The following FRMD3 variants were observed in gnomAD, a reference collection of about 807,000 sequenced individuals.
The protein encoded by FRMD3 is FERM domain containing 3.
FRMD3 carries 33 observed loss-of-function variants against 70.2 expected under a neutral mutation model. The ratio of observed to expected loss-of-function variants is 0.47; its 90% CI spans 0.36 to 0.63. FRMD3 has a LOEUF of 0.63. Ranked by LOEUF, FRMD3 falls within the 20% of genes least tolerant of loss-of-function variation. The pLI, the probability that FRMD3 is intolerant of heterozygous loss-of-function variation, is 0.00. For synonymous variants in FRMD3, 279 were observed against 255.9 expected (o/e 1.09, Z -0.86); for missense variants, 632 against 711.4 (o/e 0.89, Z 1.27).
intron 1 of FRMD3, among the ~76,000 whole-genome samples, chr9:83,492,868 G>A (rs918066342): frequency 3.9e-5 from 6 of 152,124 alleles, no homozygotes; most frequent in African/African-American, 9.7e-5. Flanking sequence ...CGTCAAGCTC[G>A]TCCTCATAGC....
intron 1 of FRMD3, among the ~76,000 whole-genome samples, chr9:83,456,630 T>C (rs1827825112): frequency 6.6e-6 from 1 of 152,224 alleles, no homozygotes; most frequent in Non-Finnish European, 1.5e-5. Flanking sequence ...TTTTAATTTA[T>C]GAATTTGTTT....
intron 1 of FRMD3, among the ~76,000 whole-genome samples, chr9:83,395,492 C>T (rs1006909802): frequency 2.0e-5 from 3 of 152,116 alleles, no homozygotes; most frequent in Non-Finnish European, 4.4e-5. Context: ...CCACTCTCCA[C>T]CCCCAACAAG....
rs1221220971 is a variant in FRMD3, at chr9:83,479,741, AAAAG to A, written c.147+58340_147+58343del. Among the ~76,000 whole-genome samples the A allele has an allele frequency of 1.5e-3, 21 of 13,870 alleles. 1 individual carries two copies. The highest frequency in any genetic ancestry group is 0.013 in the African/African-American group (19 of 1,470). The allele number at this position is 13,870 out of a possible 152,430, so 9.1% of individuals were successfully genotyped here. ...GAAAGAAAAGAAAGGGAAAGAAAGA[AAAAG>A]AAAAGAGAAGAAGAAGGGAGGGAGG... On this transcript the variant is annotated intron_variant, in intron 1 of 13. Transcript: ENST00000304195.
chr9:83,529,120 C>G (rs574959975), intron 1 of FRMD3, among the ~76,000 whole-genome samples: 2 of 152,170 alleles, frequency 1.3e-5, no homozygotes, highest in Non-Finnish European at 2.9e-5. Flanking sequence ...GTTGCAATAT[C>G]ACACATCTTG....
At chr9:83,536,968 C>T (rs1420666365) in intron 1 of FRMD3, among the ~76,000 whole-genome samples, 2 of 127,624 alleles carry the variant, frequency 1.6e-5, no homozygotes, top group Non-Finnish European at 3.3e-5. Context: ...AGTCCCAGAG[C>T]CTCAAGACTC....
chr9:83,412,944 G>A (rs146928826), intron 1 of FRMD3, among the ~76,000 whole-genome samples: 1,787 of 152,124 alleles, frequency 0.012, 15 homozygotes, highest in Middle Eastern at 0.031. Context: ...GCAGTGAGCC[G>A]AGATCATGCC....
chr9:83,293,823 C>T (rs1171152518), intron 12 of FRMD3, among the ~76,000 whole-genome samples: 1 of 152,190 alleles, frequency 6.6e-6, no homozygotes, highest in Non-Finnish European at 1.5e-5. Context: ...GATTACAACC[C>T]TGAGACTCTC....
intron 1 of FRMD3, among the ~76,000 whole-genome samples, chr9:83,433,718 C>A (rs983173646): frequency 6.6e-6 from 1 of 151,386 alleles, no homozygotes; most frequent in Non-Finnish European, 1.5e-5. Context: ...GCATTAGATT[C>A]TCATAGGGAA....
In FRMD3 at chr9:83,247,056, C is replaced by G; in HGVS notation, c.*862G>C. The stretch of plus-strand genomic sequence containing the variant: ...AACTCTCACTTTCTTTTTAAAACAT[C>G]TGCTTCTCCAGCCAAAATATACGGA... On this transcript the variant is annotated 3_prime_UTR_variant, in exon 14 of 14. Transcript: ENST00000304195. 1.0e-6 allele frequency: 1 copy of G among 985,388 alleles called. No homozygotes were observed. The highest frequency in any genetic ancestry group is 1.2e-6 in the Non-Finnish European group (1 of 829,920). The allele number at this position is 985,388 out of a possible 1,614,324, so 61.0% of individuals were successfully genotyped here.
At chr9:83,417,983 G>T (rs1243366436) in intron 1 of FRMD3, among the ~76,000 whole-genome samples, 2 of 152,080 alleles carry the variant, frequency 1.3e-5, no homozygotes, top group Non-Finnish European at 2.9e-5. Context: ...TTGACATGGG[G>T]AGAAACTAGG....
At chr9:83,320,984 A>C (rs143787976) in intron 6 of FRMD3, among the ~76,000 whole-genome samples, 4 of 152,270 alleles carry the variant, frequency 2.6e-5, no homozygotes, top group Non-Finnish European at 2.9e-5. Context: ...ATAGCTGTTC[A>C]TAATAGTCTC....
intron 12 of FRMD3, among the ~76,000 whole-genome samples, chr9:83,292,642 GTATTTTT>G (rs1053306887): frequency 2.6e-5 from 4 of 151,648 alleles, no homozygotes; most frequent in Non-Finnish European, 4.4e-5. Context: ...CCCCAACTTT[GTATTTTT>G]TATTTTTTAT....
At chr9:83,517,197 A>T (rs1265069467) in intron 1 of FRMD3, among the ~76,000 whole-genome samples, 1 of 152,162 alleles carries the variant, frequency 6.6e-6, no homozygotes, top group Non-Finnish European at 1.5e-5. Context: ...GTTTTTTGGA[A>T]AGATCAACAA....
chr9:83,409,557 T>G (rs1359232520), intron 1 of FRMD3, among the ~76,000 whole-genome samples: 1 of 152,224 alleles, frequency 6.6e-6, no homozygotes, highest in Non-Finnish European at 1.5e-5. Flanking sequence ...TCAGAGGAAA[T>G]TGGCCACAGC....
At chr9:83,402,532 C>T (rs1453403831) in intron 1 of FRMD3, among the ~76,000 whole-genome samples, 2 of 151,838 alleles carry the variant, frequency 1.3e-5, no homozygotes, top group African/African-American at 2.4e-5. Context: ...ACCATTTACA[C>T]AGTTAGCTAG....
chr9:83,308,606 C>T (rs887345190), intron 10 of FRMD3, among the ~76,000 whole-genome samples: 6 of 152,164 alleles, frequency 3.9e-5, no homozygotes, highest in African/African-American at 1.4e-4. Context: ...ACTACCACTG[C>T]CTTTCCAGTC....
intron 13 of FRMD3, among the ~76,000 whole-genome samples, chr9:83,252,963 T>A (rs1342384340): frequency 6.6e-6 from 1 of 152,122 alleles, no homozygotes; most frequent in African/African-American, 2.4e-5. Flanking sequence ...ATTAGATAGA[T>A]CATGGAGAAA....
At position 83,519,501 on chromosome 9, in the gene FRMD3, G is replaced by A. The variant is rs559048592; in HGVS notation, c.147+18584C>T. ...AAAAAGTCATGAAACAACATATGCT[G>A]GAGAGGATGTGGAGAAATAGGAACG... On this transcript the variant is annotated intron_variant, in intron 1 of 13. Transcript: ENST00000304195. 1.3e-4 allele frequency among the ~76,000 whole-genome samples: 20 copies of A among 152,342 alleles called. No homozygotes were observed. In the South Asian group the frequency reaches 3.9e-3, roughly 30 times the overall value.
In FRMD3 at chr9:83,460,059, G is replaced by T. The variant is rs555057161; in HGVS notation, c.148-70351C>A. On this transcript the variant is annotated intron_variant, in intron 1 of 13. Coordinates refer to ENST00000304195, the MANE Select transcript of FRMD3 (RefSeq NM_174938.6). ...TTTAACCTTAATTACTTCCTTAGAG[G>T]CTCCACATTGAGGAGTTATGACTCA... is the stretch of plus-strand genomic sequence containing the variant. Among the ~76,000 whole-genome samples the T allele has an allele frequency of 1.6e-4, 25 of 152,304 alleles. No individual in the cohort carries two copies. The East Asian group carries it at 4.2e-3, about 26-fold the overall frequency.
Sources: gnomAD v4.1 joint callset for allele counts (sites outside exome capture counted in the v4.1 genomes callset) on GRCh38, gnomAD v4.1.1 for gene constraint, MANE v1.5 for transcripts, NCBI Gene and HGNC (gene_info 2026-07-23, HGNC 2026-07-21) for gene names.